Variants in CSMD1 observed in about 807,000 individuals in gnomAD.
CSMD1 encodes CUB and Sushi multiple domains 1, also known as CUB and sushi domain-containing protein 1.
CSMD1 carries 213 observed loss-of-function variants against 417.5 expected under a neutral mutation model. The ratio of observed to expected loss-of-function variants is 0.51; its 90% CI spans 0.46 to 0.57. The LOEUF (loss-of-function observed/expected upper bound fraction) is 0.57, where lower values mean the gene tolerates loss of function less well. Among genes scored for constraint, CSMD1 ranks in the 20% least tolerant of loss-of-function variants. CSMD1 has a pLI of 0.00. For missense variants in CSMD1, 6,923 were observed against 4,529.7 expected (o/e 1.53, Z -15.17); for synonymous variants, 2,862 against 1,736.8 (o/e 1.65, Z -16.11).
intron 1 of CSMD1, among the ~76,000 whole-genome samples, chr8:4,717,751 C>G (rs1042601270): frequency 5.3e-5 from 8 of 152,140 alleles, no homozygotes; most frequent in Admixed American, 5.2e-4. Flanking sequence ...CAATCAGTCT[C>G]TGTCAGAAAC....
At chr8:3,240,628 G>A (rs113189886) in intron 26 of CSMD1, among the ~76,000 whole-genome samples, 10,426 of 152,114 alleles carry the variant, frequency 0.069, 489 homozygotes, top group Non-Finnish European at 0.098. Context: ...ATGGGTGTCA[G>A]GGTCAGTCCA....
In CSMD1 at chr8:4,411,753, C is replaced by G. The variant is rs147879482; in HGVS notation, c.415+8200G>C. Among the ~76,000 whole-genome samples the G allele has an allele frequency of 4.6e-5, 7 of 152,216 alleles. No homozygotes were observed. The East Asian group carries it at 7.7e-4, about 17-fold the overall frequency. ...TTTGTACATATAGACGTTCACATAC[C>G]TATCCAAGTACTTTATCTTTTCACC... On this transcript the variant is annotated intron_variant, in intron 3 of 69. Coordinates refer to ENST00000635120, the MANE Select transcript of CSMD1 (RefSeq NM_033225.6).
At chr8:4,135,375 T>TGGGAAAGAGAGGGAAGGAAGGGGAAAGG (rs1803364227) in intron 3 of CSMD1, among the ~76,000 whole-genome samples, 1 of 16,964 alleles carries the variant, frequency 5.9e-5, no homozygotes, top group Non-Finnish European at 1.2e-4. Context: ...AAGGGGAAAG[T>TGGGAAAGAGAGGGAAGGAAGGGGAAAGG]GGGAAAGAGG....
rs145867715 is a variant in CSMD1, at chr8:3,614,632, T to C, written c.1097+2078A>G. On this transcript the variant is annotated intron_variant, in intron 8 of 69. Coordinates refer to ENST00000635120, the MANE Select transcript of CSMD1 (RefSeq NM_033225.6). ...TTGATATTCTCAGATATGAGTTAAT[T>C]TGTTTTGTTTTTAGAATACAGCTCT... Among the ~76,000 whole-genome samples, 11 of 152,304 alleles carry C rather than the reference T, an allele frequency of 7.2e-5. No homozygotes were observed. In the East Asian group the frequency reaches 2.1e-3, roughly 29 times the overall value.
intron 2 of CSMD1, 96 bp downstream of exon 2, chr8:4,637,246 T>C (rs772918377): frequency 8.8e-6 from 10 of 1,133,764 alleles, no homozygotes; most frequent in Non-Finnish European, 1.3e-5. Context: ...AGGAACCAAC[T>C]CCGGACACAA....
At chr8:4,283,739 T>A (rs1281841096) in intron 3 of CSMD1, among the ~76,000 whole-genome samples, 1 of 152,024 alleles carries the variant, frequency 6.6e-6, no homozygotes, top group East Asian at 1.9e-4. Context: ...AAGGAATGCA[T>A]GAGTGTTTTA....
chr8:4,138,388 T>C (rs577195538), intron 3 of CSMD1, among the ~76,000 whole-genome samples: 1 of 152,010 alleles, frequency 6.6e-6, no homozygotes, highest in Non-Finnish European at 1.5e-5. Context: ...CTCTGGCACT[T>C]TGCCTCCTTA....
intron 1 of CSMD1, among the ~76,000 whole-genome samples, chr8:4,953,380 T>A (rs892468548): frequency 6.6e-6 from 1 of 152,138 alleles, no homozygotes; most frequent in African/African-American, 2.4e-5. Context: ...ATGGAAGGAC[T>A]ATGCGATCAA....
chr8:4,474,393 C>G (rs1800689630), intron 2 of CSMD1, among the ~76,000 whole-genome samples: 1 of 151,964 alleles, frequency 6.6e-6, no homozygotes, highest in Non-Finnish European at 1.5e-5. Flanking sequence ...AAGAGGAGGA[C>G]AGAGAATTGG....
At chr8:4,261,690 A>C (rs111733923) in intron 3 of CSMD1, among the ~76,000 whole-genome samples, 4 of 152,264 alleles carry the variant, frequency 2.6e-5, no homozygotes, top group African/African-American at 9.6e-5. Flanking sequence ...GACTACAGGC[A>C]TGAGTCACCT....
chr8:3,307,105 C>A (rs1377582179), intron 25 of CSMD1, among the ~76,000 whole-genome samples: 2 of 152,168 alleles, frequency 1.3e-5, no homozygotes, highest in Non-Finnish European at 1.5e-5. Context: ...GCTTCTCTTC[C>A]TATTAAAAGA....
intron 3 of CSMD1, among the ~76,000 whole-genome samples, chr8:4,321,354 G>A (rs374083815): frequency 2.0e-5 from 3 of 152,128 alleles, no homozygotes; most frequent in Admixed American, 6.6e-5. Flanking sequence ...CCTCTCCCGC[G>A]CTGGCAGTTA....
At chr8:3,848,737 G>A (rs1803680741) in intron 5 of CSMD1, among the ~76,000 whole-genome samples, 1 of 151,978 alleles carries the variant, frequency 6.6e-6, no homozygotes, top group African/African-American at 2.4e-5. Flanking sequence ...CTTTTAGGTG[G>A]TCCTGAACTA....
At chr8:4,326,523 G>C (rs1799571965) in intron 3 of CSMD1, among the ~76,000 whole-genome samples, 2 of 152,168 alleles carry the variant, frequency 1.3e-5, no homozygotes, top group South Asian at 4.1e-4. Flanking sequence ...GAGAGGTAGT[G>C]CATAATGAGT....
intron 26 of CSMD1, 26 bp from the exon 27 acceptor site, chr8:3,230,257 C>G (rs375260265): frequency 8.5e-6 from 13 of 1,526,598 alleles, no homozygotes; most frequent in Non-Finnish European, 7.9e-6. Context: ...AAGGCAAGGT[C>G]ACAGGCTGGA....
At position 4,709,341 on chromosome 8, in the gene CSMD1, T is replaced by C. The variant is rs531579165; in HGVS notation, c.86-71783A>G. ...TGATACCTGAGGCCTCTGTGTTGGA[T>C]TGGGGGAGTTTAGGCTGTATGTCCC... On this transcript the variant is annotated intron_variant, in intron 1 of 69. Transcript: ENST00000635120. 9.9e-5 allele frequency among the ~76,000 whole-genome samples: 15 copies of C among 152,150 alleles called. No homozygotes were observed. The South Asian group carries it at 1.0e-3, about 11-fold the overall frequency.
intron 1 of CSMD1, among the ~76,000 whole-genome samples, chr8:4,839,549 G>A (rs760543290): frequency 6.6e-6 from 1 of 152,058 alleles, no homozygotes; most frequent in Non-Finnish European, 1.5e-5. Flanking sequence ...CACAAGAATG[G>A]ACCACTAAAA....
chr8:4,082,724 A>G (rs913020742), intron 3 of CSMD1, among the ~76,000 whole-genome samples: 2 of 149,346 alleles, frequency 1.3e-5, no homozygotes, highest in Non-Finnish European at 1.5e-5. Flanking sequence ...TTAACTCGTC[A>G]TTTAGCATTA....
intron 3 of CSMD1, among the ~76,000 whole-genome samples, chr8:4,198,783 A>T (rs1489191339): frequency 2.0e-5 from 3 of 152,120 alleles, no homozygotes; most frequent in African/African-American, 7.2e-5. Flanking sequence ...CTAAGAGTTC[A>T]TCGACTTTAC....
Sources: gnomAD v4.1 joint callset for allele counts (sites outside exome capture counted in the v4.1 genomes callset) on GRCh38, gnomAD v4.1.1 for gene constraint, MANE v1.5 for transcripts, NCBI Gene and HGNC (gene_info 2026-07-23, HGNC 2026-07-21) for gene names.